SPCS2: variants seen among roughly 807,000 people sequenced by gnomAD.
SPCS2 encodes the protein SPase 25 kDa subunit.
In SPCS2, 3 loss-of-function variants were observed where a neutral mutation model predicts 22.3. The ratio of observed to expected loss-of-function variants is 0.13; its 90% CI spans 0.06 to 0.35. SPCS2 has a LOEUF of 0.35. Among genes scored for constraint, SPCS2 ranks in the 10% least tolerant of loss-of-function variants. The pLI, the probability that SPCS2 is intolerant of heterozygous loss-of-function variation, is 1.00. For missense variants in SPCS2, 169 were observed against 280.9 expected (o/e 0.60, Z 2.85); for synonymous variants, 67 against 97.2 (o/e 0.69, Z 1.83).
intron 1 of SPCS2, chr11:74,949,774 T>G (rs1948335735): frequency 2.5e-6 from 1 of 404,798 alleles, no homozygotes; most frequent in Admixed American, 2.8e-5. Flanking sequence ...AGAATCAGTA[T>G]CCCCCAAACT....
At chr11:74,966,077 C>T (rs1252303986) in intron 3 of SPCS2, among the ~76,000 whole-genome samples, 154 bp downstream of exon 3, 4 of 150,236 alleles carry the variant, frequency 2.7e-5, no homozygotes, top group African/African-American at 9.7e-5. Context: ...TAGTAAATAT[C>T]TATCAGTTTA....
chr11:74,958,924 A>G (rs1357268599), intron 1 of SPCS2, among the ~76,000 whole-genome samples: 2 of 152,130 alleles, frequency 1.3e-5, no homozygotes, highest in African/African-American at 4.8e-5. Flanking sequence ...AATGACTTAA[A>G]AAAAAAACGT....
At position 74,976,910 on chromosome 11, in the gene SPCS2, A is replaced by G. The variant is rs760620867; in HGVS notation, c.548A>G (p.Gln183Arg). The change falls in exon 5 of 5, where the codon CAG becomes CGG. Residue 183 changes from glutamine to arginine, a missense_variant. By Grantham distance (43) the Gln-to-Arg change is conservative. Transcript: ENST00000263672. Reference sequence around the variant, plus strand: ...ACCTTCATCAGTGGGAGAACAAAGCAGCAGCGGGAAGCCGAGTTCACAAAG... The same window carrying G: ...ACCTTCATCAGTGGGAGAACAAAGCGGCAGCGGGAAGCCGAGTTCACAAAG... ...KLTFISGRTK[Q>R]QREAEFTKSI... 3 of 1,613,672 alleles carry G rather than the reference A, an allele frequency of 1.9e-6. No homozygotes were observed. Among genetic ancestry groups the G allele is most frequent in the Non-Finnish European group, 1.7e-6 (2 of 1,179,682 alleles).
chr11:74,957,571 C>G (rs1213483083), intron 1 of SPCS2, among the ~76,000 whole-genome samples: 1 of 152,246 alleles, frequency 6.6e-6, no homozygotes, highest in East Asian at 1.9e-4. Flanking sequence ...GCATCCCTCT[C>G]TCTTCCAACC....
At chr11:74,951,377 A>G (rs890405623) in intron 1 of SPCS2, among the ~76,000 whole-genome samples, 2 of 152,180 alleles carry the variant, frequency 1.3e-5, no homozygotes, top group Non-Finnish European at 2.9e-5. Context: ...ACTGTCAGAG[A>G]GCACTCAGAA....
At chr11:74,963,563 G>GTTTA (rs2140217459) in intron 1 of SPCS2, 2 of 424,678 alleles carry the variant, frequency 4.7e-6, no homozygotes, top group African/African-American at 4.3e-5. Flanking sequence ...TTGTTTGTTT[G>GTTTA]TTTGTTTATT....
Position 74,977,743 on chromosome 11 carries a change from G to A in SPCS2, c.*700G>A, listed in dbSNP as rs1393741456. 2.0e-5 allele frequency: 3 copies of A among 152,498 alleles called. No homozygotes were observed. Among genetic ancestry groups the A allele is most frequent in the Non-Finnish European group, 4.4e-5 (3 of 68,012 alleles). 9.4% of individuals were successfully genotyped at this position (152,498 alleles called of 1,614,324 possible). On this transcript the variant is annotated 3_prime_UTR_variant, in exon 5 of 5. Coordinates refer to ENST00000263672, the MANE Select transcript of SPCS2 (RefSeq NM_014752.3). The stretch of plus-strand genomic sequence containing the variant: ...AAAGGAAGGAAGATGTGAAAAAAAT[G>A]GAGTCATAGTTTTGATGGAGAGAAC...
chr11:74,974,828 A>G (rs1172966348), intron 4 of SPCS2, among the ~76,000 whole-genome samples: 1 of 151,926 alleles, frequency 6.6e-6, no homozygotes. Context: ...GTTAGCCAGG[A>G]TGGTCTGGAT....
rs1315603084 is a variant in SPCS2, at chr11:74,978,665, A to G, written c.*1622A>G. ...TAATACCTAATATAATGTAAATGCT[A>G]TGTAAATAGTTATACTGCATTGGTT... On this transcript the variant is annotated 3_prime_UTR_variant, in exon 5 of 5. Transcript: ENST00000263672. 6.6e-6 allele frequency: 1 copy of G among 152,222 alleles called. No homozygotes were observed. The highest frequency in any genetic ancestry group is 1.5e-5 in the Non-Finnish European group (1 of 68,044). 9.4% of individuals were successfully genotyped at this position (152,222 alleles called of 1,614,324 possible).
At position 74,969,666 on chromosome 11, in the gene SPCS2, A is replaced by G; in HGVS notation, c.461A>G (p.Asp154Gly). The change falls in exon 4 of 5, where the codon GAT (aspartate) becomes GGT (glycine). Residue 154 changes from aspartate to glycine, a missense_variant. Asp to Gly is a moderately conservative substitution (Grantham distance 94). Transcript: ENST00000263672. The part of the protein sequence containing the change: ...HRKDPTGMDP[D>G]DIWQLSSSLK... Reference sequence around the variant, plus strand: ...AAAGATCCTACAGGAATGGATCCTGATGATATTTGGCAGCTGTCCTCCAGT... The same window carrying G: ...AAAGATCCTACAGGAATGGATCCTGGTGATATTTGGCAGCTGTCCTCCAGT... The G allele has an allele frequency of 5.0e-6, 8 of 1,613,716 alleles. No individual in the cohort carries two copies. Among genetic ancestry groups the G allele is most frequent in the Non-Finnish European group, 6.8e-6 (8 of 1,179,676 alleles).
chr11:74,975,836 C>T (rs754319048), intron 4 of SPCS2, among the ~76,000 whole-genome samples: 1 of 152,146 alleles, frequency 6.6e-6, no homozygotes, highest in Non-Finnish European at 1.5e-5. Context: ...AATAGAGCCT[C>T]AAGAAACTGC....
chr11:74,964,091 G>C (rs1283675701), intron 1 of SPCS2, among the ~76,000 whole-genome samples: 2 of 152,274 alleles, frequency 1.3e-5, no homozygotes, highest in South Asian at 4.1e-4. Context: ...TGGATGTACC[G>C]TAGTTTGTTT....
intron 4 of SPCS2, among the ~76,000 whole-genome samples, chr11:74,971,027 A>G (rs1948580962): frequency 6.6e-6 from 1 of 151,614 alleles, no homozygotes; most frequent in Non-Finnish European, 1.5e-5. Flanking sequence ...CTATCCTCCC[A>G]CTTGCCTGAG....
intron 1 of SPCS2, among the ~76,000 whole-genome samples, chr11:74,961,646 A>G (rs1218052999): frequency 6.6e-6 from 1 of 150,784 alleles, no homozygotes; most frequent in Non-Finnish European, 1.5e-5. Flanking sequence ...GATTCAAGTG[A>G]TCTCTTGCCT....
rs748128773 is a variant in SPCS2, at chr11:74,949,697, G to C, written c.114+298G>C. On this transcript the variant is annotated intron_variant, in intron 1 of 4. Transcript: ENST00000263672. Reference sequence around the variant, plus strand: ...TAATCGTGTCCATCTCTTTTCTCCTGGGGGGCTGGGTGCACTGTTGTCAGT... The same window carrying C: ...TAATCGTGTCCATCTCTTTTCTCCTCGGGGGCTGGGTGCACTGTTGTCAGT... The C allele has an allele frequency of 1.7e-4, 81 of 472,940 alleles. 1 individual carries two copies. The highest frequency in any genetic ancestry group is 1.6e-3 in the African/African-American group (79 of 50,778). The allele number at this position is 472,940 out of a possible 1,614,324, so 29.3% of individuals were successfully genotyped here.
chr11:74,966,786 C>T (rs1948548544), intron 3 of SPCS2, among the ~76,000 whole-genome samples: 1 of 151,688 alleles, frequency 6.6e-6, no homozygotes, highest in South Asian at 2.1e-4. Flanking sequence ...TTTTTTGAGA[C>T]AGGGTCTTAC....
chr11:74,955,816 ATTACT>A (rs1364481053), intron 1 of SPCS2, among the ~76,000 whole-genome samples: 3 of 135,236 alleles, frequency 2.2e-5, no homozygotes, highest in East Asian at 4.6e-4. Flanking sequence ...ACAGACACTG[ATTACT>A]TTAATACTAT....
At chr11:74,963,227 G>A (rs537353597) in intron 1 of SPCS2, among the ~76,000 whole-genome samples, 27 of 152,058 alleles carry the variant, frequency 1.8e-4, no homozygotes, top group Non-Finnish European at 2.6e-4. Context: ...ATTAGATGTC[G>A]TGTTTGATTT....
rs1050649344 is a variant in SPCS2, at chr11:74,978,248, A to G, written c.*1205A>G. ...ATTTTGGCTGAGCCTAGTACCCAAC[A>G]CTATATTCAGTTTGTAAGAAATTAC... On this transcript the variant is annotated 3_prime_UTR_variant, in exon 5 of 5. Transcript: ENST00000263672. 6.6e-6 allele frequency: 1 copy of G among 152,200 alleles called. No individual in the cohort carries two copies. The highest frequency in any genetic ancestry group is 2.4e-5 in the African/African-American group (1 of 41,446). The allele number at this position is 152,200 out of a possible 1,614,324, so 9.4% of individuals were successfully genotyped here. A position where few individuals can be genotyped will look rare whatever the true frequency, so the allele number is the denominator to read the frequency against.
Sources: allele counts gnomAD v4.1 joint callset (sites outside exome capture counted in the v4.1 genomes callset), GRCh38; gene constraint gnomAD v4.1.1; transcripts MANE v1.5; gene names NCBI Gene and HGNC (gene_info 2026-07-23, HGNC 2026-07-21).